SDC4: variants seen among roughly 807,000 people sequenced by gnomAD.
The protein encoded by SDC4 is syndecan-4.
Under a neutral mutation model 20.5 loss-of-function variants are expected in SDC4, and 17 were observed. The ratio of observed to expected loss-of-function variants is 0.83; its 90% confidence interval spans 0.57 to 1.25. The LOEUF is 1.25. SDC4 is among the 50% of genes most tolerant of loss of function. The pLI, the probability that SDC4 is intolerant of heterozygous loss-of-function variation, is 0.00. For synonymous variants in SDC4, 107 were observed against 105.3 expected, an observed-to-expected ratio of 1.02 and a Z score of -0.10; for missense variants, 241 against 252.3, an observed-to-expected ratio of 0.96 and a Z score of 0.30.
chr20:45,348,149 G>C (rs1988060244), intron 1 of SDC4, among the ~76,000 whole-genome samples, 176 bp downstream of exon 1: 1 of 80 alleles, frequency 0.013, no homozygotes, highest in Non-Finnish European at 0.023. Context: ...AGCCATCCCG[G>C]AGGCTGGCCC....
chr20:45,344,146 C>T (rs1175098653), intron 1 of SDC4, among the ~76,000 whole-genome samples: 2 of 152,156 alleles, frequency 1.3e-5, no homozygotes, highest in Non-Finnish European at 2.9e-5. Context: ...TCAGTTTTGC[C>T]TTAAAGAGGA....
At chr20:45,340,531 G>A (rs1002446719) in intron 1 of SDC4, among the ~76,000 whole-genome samples, 4 of 152,332 alleles carry the variant, frequency 2.6e-5, no homozygotes, top group African/African-American at 9.6e-5. Flanking sequence ...AGGGCTCCAG[G>A]GCAACCCTGT....
intron 1 of SDC4, among the ~76,000 whole-genome samples, chr20:45,342,849 T>A (rs1389768178): frequency 6.6e-6 from 1 of 152,156 alleles, no homozygotes. Flanking sequence ...ATTTTCAACA[T>A]ATGCACAGAC....
chr20:45,335,003 A>G (rs1987839166), intron 2 of SDC4, among the ~76,000 whole-genome samples: 1 of 152,200 alleles, frequency 6.6e-6, no homozygotes, highest in Non-Finnish European at 1.5e-5. Flanking sequence ...TAAAACTTGC[A>G]ATCATTAACA....
At chr20:45,331,285 T>C (rs1987773796) in intron 3 of SDC4, among the ~76,000 whole-genome samples, 1 of 152,128 alleles carries the variant, frequency 6.6e-6, no homozygotes, top group African/African-American at 2.4e-5. Context: ...TGAACCCCTC[T>C]CTACCATGGA....
chr20:45,339,481 G>A (rs145041706), intron 1 of SDC4, among the ~76,000 whole-genome samples: 51 of 152,354 alleles, frequency 3.3e-4, no homozygotes, highest in Non-Finnish European at 6.0e-4. Context: ...TGGTGGCTAG[G>A]CACAGTGGCT....
chr20:45,329,271 TCTTA>T (rs1214061927), intron 4 of SDC4, among the ~76,000 whole-genome samples: 6 of 152,232 alleles, frequency 3.9e-5, no homozygotes, highest in Non-Finnish European at 8.8e-5. Context: ...TCAGTTCTTT[TCTTA>T]CTATGTGGCC....
At chr20:45,347,119 A>T (rs1488036218) in intron 1 of SDC4, among the ~76,000 whole-genome samples, 1 of 152,142 alleles carries the variant, frequency 6.6e-6, no homozygotes, top group East Asian at 1.9e-4. Flanking sequence ...CCACGTTTGC[A>T]ATCATCATGG....
At chr20:45,336,646 A>ACAGGGCCCTGGGATGCTACACTC (rs1434793041) in intron 1 of SDC4, among the ~76,000 whole-genome samples, 3 of 151,980 alleles carry the variant, frequency 2.0e-5, no homozygotes, top group African/African-American at 7.3e-5. Context: ...GTCTCCATGC[A>ACAGGGCCCTGGGATGCTACACTC]CAGGGCCCTG....
intron 1 of SDC4, among the ~76,000 whole-genome samples, chr20:45,347,894 C>T (rs2072785): frequency 2.0e-5 from 3 of 151,488 alleles, no homozygotes; most frequent in African/African-American, 7.3e-5. Flanking sequence ...CTCCCCCTTC[C>T]GAGTACACGC....
In SDC4 at chr20:45,327,253, ACAAG is replaced by A. The variant is rs1987705697; in HGVS notation, c.*7_*10del. ...CCCGCTAAAGTCCAAGCCAGTGCCC[ACAAG>A]CAAGCTTCACGCGTAGAACTCATTG... On this transcript the variant is annotated 3_prime_UTR_variant, in exon 5 of 5. Transcript: ENST00000372733. The A allele has an allele frequency of 6.2e-7, 1 of 1,613,906 alleles. No individual in the cohort carries two copies.
chr20:45,328,497 A>G (rs1987728829), intron 4 of SDC4, among the ~76,000 whole-genome samples: 1 of 152,210 alleles, frequency 6.6e-6, no homozygotes, highest in Non-Finnish European at 1.5e-5. Flanking sequence ...TGTGCACAAC[A>G]GGAGGTGCTT....
At chr20:45,335,976 G>T in intron 1 of SDC4, 56 bp from the exon 2 acceptor site, 1 of 1,580,396 alleles carries the variant, frequency 6.3e-7, no homozygotes, top group Non-Finnish European at 8.6e-7. Flanking sequence ...CATGACAGCT[G>T]ATGCCCAAAA....
chr20:45,325,632 C>CT lies in SDC4; in HGVS notation c.*1631_*1632insA, dbSNP rs558579538. On this transcript the variant is annotated 3_prime_UTR_variant, in exon 5 of 5. Coordinates refer to ENST00000372733, the MANE Select transcript of SDC4 (RefSeq NM_002999.4). ...CTCATCAGCCCTCCCCCATTCCCCCCCCCCTACCCAGGGAGACAAGGGTCG... is the reference window on the plus strand; with the variant it reads ...CTCATCAGCCCTCCCCCATTCCCCCCTCCCCTACCCAGGGAGACAAGGGTCG... 5 of 88,640 alleles carry CT rather than the reference C, an allele frequency of 5.6e-5. No homozygotes were observed. Among genetic ancestry groups the CT allele is most frequent in the East Asian group, 7.0e-4 (1 of 1,422 alleles). The allele number at this position is 88,640 out of a possible 1,614,324, so 5.5% of individuals were successfully genotyped here.
chr20:45,340,337 G>A (rs1482134120), intron 1 of SDC4, among the ~76,000 whole-genome samples: 1 of 152,186 alleles, frequency 6.6e-6, no homozygotes, highest in African/African-American at 2.4e-5. Context: ...CCATTTTGCA[G>A]ATGAGAAGAC....
At chr20:45,329,869 A>T (rs563599661) in intron 4 of SDC4, among the ~76,000 whole-genome samples, 6 of 152,300 alleles carry the variant, frequency 3.9e-5, no homozygotes, top group African/African-American at 1.2e-4. Context: ...TGGACTCATT[A>T]TATCAACCCC....
Position 45,327,310 on chromosome 20 carries a change from T to C in SDC4, c.551A>G (p.Lys184Arg). 1 of 1,614,218 alleles carries C rather than the reference T, an allele frequency of 6.2e-7. No individual in the cohort carries two copies. Reference sequence around the variant, plus strand: ...GGGGGCTTTCTTGTAGATGGGTTTCTTGCCCAGGTCATAGCTGCCTTCATC... The same window carrying C: ...GGGGGCTTTCTTGTAGATGGGTTTCCTGCCCAGGTCATAGCTGCCTTCATC... The part of the protein sequence containing the change: ...KKDEGSYDLG[K>R]KPIYKKAPTN... The change falls in exon 5 of 5, where the codon AAG becomes AGG. Residue 184 changes from lysine to arginine, a missense_variant. Coordinates refer to ENST00000372733, the MANE Select transcript of SDC4 (RefSeq NM_002999.4).
intron 4 of SDC4, among the ~76,000 whole-genome samples, chr20:45,329,558 C>T (rs1267211716): frequency 6.6e-6 from 1 of 152,246 alleles, no homozygotes; most frequent in Non-Finnish European, 1.5e-5. Context: ...CAGGTGAGAC[C>T]TTCCATCTGT....
In SDC4 at chr20:45,335,843, C is replaced by T. The variant is rs754990158; in HGVS notation, c.138G>A (p.Glu46=). 2 of 1,614,122 alleles carry T rather than the reference C, an allele frequency of 1.2e-6. No homozygotes were observed. Among genetic ancestry groups the T allele is most frequent in the East Asian group, 2.2e-5 (1 of 44,868 alleles). ...ATTCCTGCCCGGGCCCCACTACATC[C>T]TCATCGTCTGGTAGGGCTCCGGAGA... ...RYFSGALPDD[E]DVVGPGQESD... The change falls in exon 2 of 5, where the codon GAG becomes GAA. Residue 46 remains glutamate (E), a synonymous_variant. Transcript: ENST00000372733.
Sources: gnomAD v4.1 joint callset for allele counts (sites outside exome capture counted in the v4.1 genomes callset) on GRCh38, gnomAD v4.1.1 for gene constraint, MANE v1.5 for transcripts, NCBI Gene and HGNC (gene_info 2026-07-23, HGNC 2026-07-21) for gene names.